The following GAS2 variants were observed in gnomAD, a reference collection of about 807,000 sequenced individuals.
GAS2 encodes growth arrest-specific protein 2.
GAS2 carries 20 observed loss-of-function variants against 37.5 expected under a neutral mutation model. The observed-to-expected ratio is 0.53, with a 90% CI of 0.37 to 0.77. The LOEUF (loss-of-function observed/expected upper bound fraction) is 0.77, where lower values mean the gene tolerates loss of function less well. Among genes scored for constraint, GAS2 ranks in the 30% least tolerant of loss-of-function variants. GAS2 has a pLI of 0.00. For missense variants in GAS2, 336 were observed against 373.4 expected, an observed-to-expected ratio of 0.90 and a Z score of 0.82; for synonymous variants, 144 against 132.2, an observed-to-expected ratio of 1.09 and a Z score of -0.61.
intron 1 of GAS2, among the ~76,000 whole-genome samples, chr11:22,637,700 A>G (rs908313873): frequency 1.4e-5 from 2 of 141,194 alleles, no homozygotes; most frequent in African/African-American, 5.2e-5. Context: ...ATAATATAAT[A>G]TAAATATATA....
chr11:22,739,574 A>G (rs1359894192), intron 5 of GAS2, among the ~76,000 whole-genome samples: 12 of 11,454 alleles, frequency 1.0e-3, no homozygotes, highest in African/African-American at 2.8e-3. Flanking sequence ...TTCGCTCTCA[A>G]AAAAAAAAAA....
chr11:22,758,817 G>A (rs992113846), intron 7 of GAS2, among the ~76,000 whole-genome samples: 3 of 149,210 alleles, frequency 2.0e-5, no homozygotes, highest in Non-Finnish European at 4.4e-5. Flanking sequence ...CAAGGCTGAG[G>A]CAGGAGAATT....
At chr11:22,734,253 CAT>C (rs1195474864) in intron 4 of GAS2, among the ~76,000 whole-genome samples, 1 of 151,666 alleles carries the variant, frequency 6.6e-6, no homozygotes, top group Non-Finnish European at 1.5e-5. Flanking sequence ...CAAAAACTGA[CAT>C]ATGTCCTAAT....
intron 1 of GAS2, among the ~76,000 whole-genome samples, chr11:22,626,947 C>T (rs1482679003): frequency 6.6e-6 from 1 of 152,180 alleles, no homozygotes; most frequent in Non-Finnish European, 1.5e-5. Flanking sequence ...TTCTGTCGCC[C>T]AGGCGCGGCC....
intron 7 of GAS2, among the ~76,000 whole-genome samples, chr11:22,809,734 T>C (rs1037201771): frequency 2.6e-5 from 4 of 151,162 alleles, no homozygotes; most frequent in Non-Finnish European, 5.9e-5. Flanking sequence ...CCTCAGGTGA[T>C]CCACCCACCT....
At chr11:22,786,614 A>C (rs1346589884) in intron 7 of GAS2, among the ~76,000 whole-genome samples, 1 of 152,136 alleles carries the variant, frequency 6.6e-6, no homozygotes, top group Non-Finnish European at 1.5e-5. Flanking sequence ...TACAGAAATG[A>C]TTGTAATTGT....
intron 7 of GAS2, among the ~76,000 whole-genome samples, chr11:22,772,806 C>T (rs1175201997): frequency 6.6e-6 from 1 of 152,056 alleles, no homozygotes; most frequent in African/African-American, 2.4e-5. Flanking sequence ...TTTCTAAATG[C>T]ATATATAGAA....
chr11:22,689,579 C>G (rs1470416712), intron 3 of GAS2, among the ~76,000 whole-genome samples: 2 of 152,100 alleles, frequency 1.3e-5, no homozygotes, highest in Non-Finnish European at 2.9e-5. Flanking sequence ...TACTATTGTT[C>G]ATAAATATAC....
chr11:22,635,544 C>G (rs191405685), intron 1 of GAS2, among the ~76,000 whole-genome samples: 124 of 152,336 alleles, frequency 8.1e-4, no homozygotes, highest in South Asian at 2.9e-3. Flanking sequence ...CCTACCAAGA[C>G]AGTAAAGGTG....
intron 1 of GAS2, among the ~76,000 whole-genome samples, chr11:22,629,249 G>C (rs918779746): frequency 5.3e-5 from 8 of 152,126 alleles, no homozygotes; most frequent in Non-Finnish European, 1.0e-4. Context: ...TCTCCATACT[G>C]TTTTCCATAG....
chr11:22,675,106 C>A, intron 2 of GAS2, 92 bp downstream of exon 2: 2 of 1,230,110 alleles, frequency 1.6e-6, no homozygotes, highest in African/African-American at 1.5e-5. Flanking sequence ...CATGTGATAG[C>A]ACCTTGGAAA....
At chr11:22,671,338 C>T (rs549893244) in intron 1 of GAS2, among the ~76,000 whole-genome samples, 1 of 151,788 alleles carries the variant, frequency 6.6e-6, no homozygotes, top group African/African-American at 2.4e-5. Context: ...TTAGGTAGAC[C>T]GAGAAAGCTT....
intron 2 of GAS2, among the ~76,000 whole-genome samples, chr11:22,685,190 C>T (rs1378025844): frequency 2.0e-5 from 3 of 152,044 alleles, no homozygotes; most frequent in South Asian, 2.1e-4. Context: ...GAGAGACCTA[C>T]GGCGTTCTTG....
At chr11:22,797,035 G>A (rs1332884583) in intron 7 of GAS2, among the ~76,000 whole-genome samples, 1 of 152,010 alleles carries the variant, frequency 6.6e-6, no homozygotes, top group Non-Finnish European at 1.5e-5. Context: ...TGACTGTTCT[G>A]TAAAATATTT....
At position 22,812,428 on chromosome 11, in the gene GAS2, C is replaced by CTTTTT. The variant is rs35549681; in HGVS notation, c.*426_*430dup. The stretch of plus-strand genomic sequence containing the variant: ...TTTTTATAATTGCAAGATTTTTATG[C>CTTTTT]TTTTTTTTTTTTTTTTTTACAAAAT... On this transcript the variant is annotated 3_prime_UTR_variant, in exon 8 of 8. Transcript: ENST00000454584. 2.6e-3 allele frequency: 360 copies of CTTTTT among 136,938 alleles called. 9 individuals are homozygous for CTTTTT. The highest frequency in any genetic ancestry group is 9.0e-3 in the African/African-American group (329 of 36,404). 8.5% of individuals were successfully genotyped at this position (136,938 alleles called of 1,614,324 possible).
intron 7 of GAS2, among the ~76,000 whole-genome samples, chr11:22,802,567 A>G (rs974514892): frequency 6.6e-6 from 1 of 151,870 alleles, no homozygotes; most frequent in East Asian, 1.9e-4. Flanking sequence ...TGACTTTGCT[A>G]TGATCAGAGG....
intron 5 of GAS2, among the ~76,000 whole-genome samples, chr11:22,744,616 A>C (rs372389780): frequency 6.6e-6 from 1 of 152,104 alleles, no homozygotes; most frequent in Non-Finnish European, 1.5e-5. Context: ...GATAAAAAAA[A>C]CCCTCAACTA....
At chr11:22,734,955 A>G (rs1401159275) in intron 4 of GAS2, among the ~76,000 whole-genome samples, 2 of 151,806 alleles carry the variant, frequency 1.3e-5, no homozygotes, top group Non-Finnish European at 3.0e-5. Flanking sequence ...TTTTATAGCA[A>G]TAAGGTAAGA....
intron 5 of GAS2, among the ~76,000 whole-genome samples, chr11:22,746,229 G>A (rs1356387407): frequency 1.3e-5 from 2 of 152,042 alleles, no homozygotes; most frequent in African/African-American, 4.8e-5. Context: ...TACTGGTGAA[G>A]CTGCTGAGAC....
Sources: allele counts gnomAD v4.1 joint callset (sites outside exome capture counted in the v4.1 genomes callset), GRCh38; gene constraint gnomAD v4.1.1; transcripts MANE v1.5; gene names NCBI Gene and HGNC (gene_info 2026-07-23, HGNC 2026-07-21).